The following SMPDL3B variants were observed in gnomAD, a reference collection of about 807,000 sequenced individuals.
SMPDL3B encodes sphingomyelin phosphodiesterase acid like 3B, also known as acid sphingomyelinase-like phosphodiesterase 3b.
SMPDL3B carries 31 observed loss-of-function variants against 37.9 expected under a neutral mutation model. The ratio of observed to expected loss-of-function variants is 0.82; its 90% CI spans 0.61 to 1.10. SMPDL3B has a LOEUF of 1.10. Ranked by LOEUF, SMPDL3B falls within the 50% of genes least tolerant of loss-of-function variation. SMPDL3B has a pLI of 0.00. For missense variants in SMPDL3B, 525 were observed against 597.8 expected (o/e 0.88, Z 1.27); for synonymous variants, 235 against 242.6 (o/e 0.97, Z 0.29).
At chr1:27,946,038 C>G (rs1318764865) in intron 2 of SMPDL3B, among the ~76,000 whole-genome samples, 1 of 152,172 alleles carries the variant, frequency 6.6e-6, no homozygotes, top group Non-Finnish European at 1.5e-5. Flanking sequence ...TTCCTGGGAA[C>G]TTGCCTCCTT....
chr1:27,957,931 C>T (rs1369642834), intron 7 of SMPDL3B, among the ~76,000 whole-genome samples: 3 of 152,156 alleles, frequency 2.0e-5, no homozygotes, highest in East Asian at 1.9e-4. Context: ...GCCATGCATA[C>T]GGGCAGCTCC....
Position 27,959,060 on chromosome 1 carries a change from CA to C in SMPDL3B, c.*223del, listed in dbSNP as rs973568792. ...ACTCTCTCCAAAAACAAACCAGAAA[CA>C]GAAAAGAAATGACGACCCAAGACCC... On this transcript the variant is annotated 3_prime_UTR_variant, in exon 8 of 8. Transcript: ENST00000373894. 5.4e-6 allele frequency: 3 copies of C among 557,770 alleles called. No homozygotes were observed. In the African/African-American group the frequency reaches 5.6e-5, roughly 10 times the overall value. The allele number at this position is 557,770 out of a possible 1,614,324, so 34.6% of individuals were successfully genotyped here.
In SMPDL3B at chr1:27,953,417, G is replaced by A. The variant is rs183387391; in HGVS notation, c.517+59G>A. On this transcript the variant is annotated intron_variant, in intron 4 of 7. Transcript: ENST00000373894. ...TACTGTATGCCAGGGTCTGATCTTC[G>A]TCTTCACAACAACCTCTTAGAATAA... 1.7e-4 allele frequency: 246 copies of A among 1,426,432 alleles called. No individual in the cohort carries two copies. The Middle Eastern group carries it at 2.0e-3, about 12-fold the overall frequency. The allele number at this position is 1,426,432 out of a possible 1,614,324, so 88.4% of individuals were successfully genotyped here. A position where few individuals can be genotyped will look rare whatever the true frequency, so the allele number is the denominator to read the frequency against.
intron 7 of SMPDL3B, among the ~76,000 whole-genome samples, chr1:27,957,910 G>A (rs1314479071): frequency 1.3e-4 from 20 of 152,156 alleles, no homozygotes. Flanking sequence ...GAATGTTCCT[G>A]GCACAGAGTG....
At chr1:27,957,347 A>G (rs1638319500) in intron 7 of SMPDL3B, among the ~76,000 whole-genome samples, 1 of 152,136 alleles carries the variant, frequency 6.6e-6, no homozygotes, top group South Asian at 2.1e-4. Flanking sequence ...AAAAGGGACG[A>G]ATCCAGGAGG....
Position 27,959,090 on chromosome 1 carries a change from T to C in SMPDL3B, c.*252T>C, listed in dbSNP as rs1268406393. The C allele has an allele frequency of 7.9e-6, 4 of 505,484 alleles. No individual in the cohort carries two copies. The highest frequency in any genetic ancestry group is 1.4e-5 in the Non-Finnish European group (4 of 280,674). 31.3% of individuals were successfully genotyped at this position (505,484 alleles called of 1,614,324 possible). ...AAGAAATGACGACCCAAGACCCCCC[T>C]ACAAGCATACTTCTTTTGCGTATTA... is the stretch of plus-strand genomic sequence containing the variant. On this transcript the variant is annotated 3_prime_UTR_variant, in exon 8 of 8. Coordinates refer to ENST00000373894, the MANE Select transcript of SMPDL3B (RefSeq NM_014474.4).
At chr1:27,957,829 T>C (rs1247701443) in intron 7 of SMPDL3B, among the ~76,000 whole-genome samples, 1 of 152,152 alleles carries the variant, frequency 6.6e-6, no homozygotes, top group Non-Finnish European at 1.5e-5. Context: ...CCTCTGTGCC[T>C]CACTTGCTTC....
chr1:27,953,341 T>A lies in SMPDL3B; in HGVS notation c.500T>A (p.Ile167Asn), dbSNP rs1434175591. ...AAACCCTGGCTTAGTAATGAGTCCA[T>A]CGCTCTCTTCAAAAAAGGTACCAAC... ...LWKPWLSNES[I>N]ALFKKGAFYC... Residue 167 changes from isoleucine (I) to asparagine (N), a missense_variant, in exon 4 of 8, where the codon ATC becomes AAC. Ile to Asn is a moderately radical substitution (Grantham distance 149, BLOSUM62 -3). Coordinates refer to ENST00000373894, the MANE Select transcript of SMPDL3B (RefSeq NM_014474.4). 3.7e-6 allele frequency: 6 copies of A among 1,612,318 alleles called. No individual in the cohort carries two copies. Among genetic ancestry groups the A allele is most frequent in the Non-Finnish European group, 8.5e-7 (1 of 1,179,476 alleles).
chr1:27,958,876 G>C lies in SMPDL3B; in HGVS notation c.*38G>C, dbSNP rs1428928096. ...ACCTTCTTCCTGGTAACGGGTAACG[G>C]GGGCAGCGCCCAGGATCACCCAGAG... On this transcript the variant is annotated 3_prime_UTR_variant, in exon 8 of 8. Coordinates refer to ENST00000373894, the MANE Select transcript of SMPDL3B (RefSeq NM_014474.4). This position sits in a 1 kb window ranked among gnomAD's most constrained non-coding sequence, Gnocchi z 5.6. The C allele has an allele frequency of 1.3e-6, 2 of 1,512,830 alleles. No homozygotes were observed. Among genetic ancestry groups the C allele is most frequent in the Non-Finnish European group, 8.9e-7 (1 of 1,126,922 alleles). The allele number at this position is 1,512,830 out of a possible 1,614,324, so 93.7% of individuals were successfully genotyped here.
At position 27,945,402 on chromosome 1, in the gene SMPDL3B, A is replaced by G. The variant is rs760410391; in HGVS notation, c.232A>G (p.Met78Val). 3.1e-6 allele frequency: 5 copies of G among 1,614,122 alleles called. No homozygotes were observed. The highest frequency in any genetic ancestry group is 4.2e-6 in the Non-Finnish European group (5 of 1,180,020). The change falls in exon 2 of 8, where the codon ATG becomes GTG. Residue 78 changes from methionine (M) to valine (V), a missense_variant. Met to Val is a conservative substitution (Grantham distance 21). Coordinates refer to ENST00000373894, the MANE Select transcript of SMPDL3B (RefSeq NM_014474.4). This position sits in a 1 kb window ranked among gnomAD's most constrained non-coding sequence, Gnocchi z 4.0. The part of the protein sequence containing the change: ...WALINSSIYA[M>V]KEIEPEPDFI... ...CCTCATCAACTCCTCCATCTATGCC[A>G]TGAAGGAGATTGAGCCAGAGCCAGA...
At chr1:27,956,391 C>T (rs1638281827) in intron 7 of SMPDL3B, 5 of 1,277,142 alleles carry the variant, frequency 3.9e-6, no homozygotes, top group Non-Finnish European at 5.2e-6. Context: ...TCTCCTATAG[C>T]ACCACTTTCA....
chr1:27,944,570 G>A (rs997432362), intron 1 of SMPDL3B, among the ~76,000 whole-genome samples: 1 of 151,926 alleles, frequency 6.6e-6, no homozygotes, highest in African/African-American at 2.4e-5. Context: ...AGCCCAGGCT[G>A]GTCTTGAACT....
chr1:27,952,985 G>C (rs925634591), intron 3 of SMPDL3B, among the ~76,000 whole-genome samples: 5 of 152,146 alleles, frequency 3.3e-5, no homozygotes, highest in Non-Finnish European at 7.3e-5. Context: ...GAAACTTTCT[G>C]CTGGGAATGG....
chr1:27,954,607 C>T lies in SMPDL3B; in HGVS notation c.690+81C>T. The T allele has an allele frequency of 1.1e-5, 15 of 1,383,820 alleles. No homozygotes were observed. The South Asian group carries it at 1.8e-4, about 16-fold the overall frequency. The allele number at this position is 1,383,820 out of a possible 1,614,324, so 85.7% of individuals were successfully genotyped here. Reference sequence around the variant, plus strand: ...CCCGCTTGGCACAAACTCACCCACCCACCCAAAGATGCCCATATCCCAGAG... The same window carrying T: ...CCCGCTTGGCACAAACTCACCCACCTACCCAAAGATGCCCATATCCCAGAG... On this transcript the variant is annotated intron_variant, in intron 5 of 7. Transcript: ENST00000373894.
At position 27,955,967 on chromosome 1, in the gene SMPDL3B, T is replaced by C. The variant is rs1174162208; in HGVS notation, c.890T>C (p.Met297Thr). The C allele has an allele frequency of 6.2e-7, 1 of 1,614,056 alleles. No individual in the cohort carries two copies. Among genetic ancestry groups the C allele is most frequent in the Admixed American group, 1.7e-5 (1 of 60,008 alleles). The change falls in exon 7 of 8, where the codon ATG becomes ACG. Residue 297 changes from methionine to threonine, a missense_variant. Coordinates refer to ENST00000373894, the MANE Select transcript of SMPDL3B (RefSeq NM_014474.4). ...YDDAGVPISAMFITPGVTPWK... is the reference protein window; with the variant it reads ...YDDAGVPISATFITPGVTPWK... ...CTGACAGGTGTCCCCATAAGCGCCATGTTCATCACACCTGGAGTCACCCCA... is the reference window on the plus strand; with the variant it reads ...CTGACAGGTGTCCCCATAAGCGCCACGTTCATCACACCTGGAGTCACCCCA...
In SMPDL3B at chr1:27,958,325, G is replaced by A; in HGVS notation, c.1006-151G>A. ...ACCTCATTCGATTCAGAGGATGTCT[G>A]CCAAGCACAATGGGTGCACAGCTAA... On this transcript the variant is annotated intron_variant, in intron 7 of 7. Coordinates refer to ENST00000373894, the MANE Select transcript of SMPDL3B (RefSeq NM_014474.4). The surrounding 1 kb of genome is among the most constrained non-coding windows in gnomAD (Gnocchi z 5.6). 9.3e-7 allele frequency: 1 copy of A among 1,075,708 alleles called. No homozygotes were observed. The highest frequency in any genetic ancestry group is 1.6e-5 in the South Asian group (1 of 63,614). The allele number at this position is 1,075,708 out of a possible 1,614,324, so 66.6% of individuals were successfully genotyped here.
At position 27,937,923 on chromosome 1, in the gene SMPDL3B, T is replaced by A. The variant is rs188152240; in HGVS notation, c.61+2679T>A. Among the ~76,000 whole-genome samples, 50 of 152,316 alleles carry A rather than the reference T, an allele frequency of 3.3e-4. 2 individuals carry two copies. Among genetic ancestry groups the A allele is most frequent in the Middle Eastern group, 6.8e-3 (2 of 294 alleles). ...GCAGTGTGGCATGTCAATTTACCTT[T>A]GCAATGGCAACACCCAGGAGTTACT... is the stretch of plus-strand genomic sequence containing the variant. On this transcript the variant is annotated intron_variant, in intron 1 of 7. Transcript: ENST00000373894.
At position 27,954,422 on chromosome 1, in the gene SMPDL3B, C is replaced by T. The variant is rs2090481054; in HGVS notation, c.586C>T (p.Leu196=). 1 of 1,614,102 alleles carries T rather than the reference C, an allele frequency of 6.2e-7. No individual in the cohort carries two copies. Among genetic ancestry groups the T allele is most frequent in the East Asian group, 2.2e-5 (1 of 44,890 alleles). Residue 196 remains leucine, a synonymous_variant, in exon 5 of 8, where the codon CTG becomes TTG. Transcript: ENST00000373894. ...GCGAATTGTGGTCCTCAACACCAAT[C>T]TGTACTATACCAGCAATGCGCTGAC... The part of the protein sequence containing the change: ...AGRIVVLNTN[L]YYTSNALTAD...
chr1:27,957,401 G>A (rs904990251), intron 7 of SMPDL3B, among the ~76,000 whole-genome samples: 1 of 152,136 alleles, frequency 6.6e-6, no homozygotes, highest in African/African-American at 2.4e-5. Context: ...TGTGGCTGCC[G>A]ATTACTGAGA....
Sources: gnomAD v4.1 joint callset for allele counts (sites outside exome capture counted in the v4.1 genomes callset) on GRCh38, gnomAD v4.1.1 for gene constraint, Gnocchi (gnomAD v3.1) non-coding constraint, MANE v1.5 for transcripts, NCBI Gene and HGNC (gene_info 2026-07-23, HGNC 2026-07-21) for gene names.